Variants in NDUFV3 observed in about 807,000 individuals in gnomAD.
NDUFV3 encodes the protein NADH:ubiquinone oxidoreductase subunit V3, also known as NADH dehydrogenase [ubiquinone] flavoprotein 3, mitochondrial.
A neutral mutation model predicts 37.5 loss-of-function variants in NDUFV3; 44 were observed. The ratio of observed to expected loss-of-function variants is 1.17; its 90% CI spans 0.92 to 1.51. NDUFV3 has a LOEUF of 1.51. Among genes scored for constraint, NDUFV3 ranks in the 40% most tolerant of loss-of-function variants. The pLI, the probability that NDUFV3 is intolerant of heterozygous loss-of-function variation, is 0.00. For synonymous variants in NDUFV3, 235 were observed against 239.3 expected, an observed-to-expected ratio of 0.98 and a Z score of 0.17; for missense variants, 580 against 580.4, an observed-to-expected ratio of 1.00 and a Z score of 0.01.
At chr21:42,896,637 A>G (rs1601213663) in intron 1 of NDUFV3, among the ~76,000 whole-genome samples, 1 of 152,074 alleles carries the variant, frequency 6.6e-6, no homozygotes, top group East Asian at 1.9e-4. Flanking sequence ...AGTTTGAGGA[A>G]GCCAGGAGTT....
intron 3 of NDUFV3, chr21:42,906,916 T>G (rs773461967): frequency 1.9e-6 from 1 of 514,886 alleles, no homozygotes; most frequent in African/African-American, 1.9e-5. Flanking sequence ...AGACATCGTT[T>G]TTGCTTAACG....
Position 42,903,864 on chromosome 21 carries a change from A to AT in NDUFV3, c.855dup (p.Glu286Ter), listed in dbSNP as rs1437997576. 6 of 1,612,754 alleles carry AT rather than the reference A, an allele frequency of 3.7e-6. No homozygotes were observed. Among genetic ancestry groups the AT allele is most frequent in the Non-Finnish European group, 5.1e-6 (6 of 1,179,756 alleles). On this transcript the variant is annotated frameshift_variant, in exon 3 of 4. Coordinates refer to ENST00000354250, the MANE Select transcript of NDUFV3 (RefSeq NM_021075.4). LOFTEE classifies it high-confidence loss of function. ...AAATAGATAAAGAAAGCCAAAAGCC[A>AT]TTTGAAGTTAAAGGACCCTTACCTG... is the stretch of plus-strand genomic sequence containing the variant.
chr21:42,901,742 T>C (rs545033680), intron 2 of NDUFV3, among the ~76,000 whole-genome samples: 6 of 152,308 alleles, frequency 3.9e-5, no homozygotes, highest in East Asian at 1.9e-4. Context: ...TATCCCCATG[T>C]CATAGACAAG....
At position 42,909,351 on chromosome 21, in the gene NDUFV3, AG is replaced by A; in HGVS notation, c.*332del. 1 of 345,246 alleles carries A rather than the reference AG, an allele frequency of 2.9e-6. No individual in the cohort carries two copies. Among genetic ancestry groups the A allele is most frequent in the South Asian group, 2.3e-5 (1 of 43,584 alleles). The allele number at this position is 345,246 out of a possible 1,614,324, so 21.4% of individuals were successfully genotyped here. On this transcript the variant is annotated 3_prime_UTR_variant, in exon 4 of 4. Coordinates refer to ENST00000354250, the MANE Select transcript of NDUFV3 (RefSeq NM_021075.4). ...GAGACAGGGTTTCACCATGTTGGCC[AG>A]GCTGGTCTCGAACTCCTGACCTCAG...
In NDUFV3 at chr21:42,904,286, G is replaced by T; in HGVS notation, c.1264+10G>T. 1.3e-6 allele frequency: 2 copies of T among 1,580,222 alleles called. No homozygotes were observed. The highest frequency in any genetic ancestry group is 2.3e-5 in the South Asian group (2 of 87,074). ...CGAGGCGGCACACAGGGTATACCTT[G>T]ACTCGCGCTCCCAAGTGCACCCTGT... On this transcript the variant is annotated intron_variant, in intron 3 of 3. Transcript: ENST00000354250.
intron 2 of NDUFV3, among the ~76,000 whole-genome samples, chr21:42,899,703 A>G (rs1356909179): frequency 6.6e-6 from 1 of 152,130 alleles, no homozygotes; most frequent in Non-Finnish European, 1.5e-5. Context: ...TTGGCCTCCC[A>G]AAGTGCTGGG....
chr21:42,909,073 T>C lies in NDUFV3; in HGVS notation c.*52T>C. ...CCACCGTCTTCACTGCATCCTGGAG[T>C]GCAAAAATAAAATCCACTCAAGAGT... On this transcript the variant is annotated 3_prime_UTR_variant, in exon 4 of 4. Transcript: ENST00000354250. The C allele has an allele frequency of 1.9e-6, 3 of 1,586,916 alleles. No individual in the cohort carries two copies. Among genetic ancestry groups the C allele is most frequent in the Non-Finnish European group, 2.6e-6 (3 of 1,162,364 alleles).
At position 42,894,058 on chromosome 21, in the gene NDUFV3, A is replaced by G. The variant is rs374179716; in HGVS notation, c.48+677A>G. Among the ~76,000 whole-genome samples, 22 of 151,528 alleles carry G rather than the reference A, an allele frequency of 1.5e-4. 1 individual carries two copies. In the South Asian group the frequency reaches 2.1e-3, roughly 14 times the overall value. On this transcript the variant is annotated intron_variant, in intron 1 of 3. Coordinates refer to ENST00000354250, the MANE Select transcript of NDUFV3 (RefSeq NM_021075.4). ...TGTCGAAACCCCGTCTCTAAAAAAT[A>G]CAAAAAATTAGTCTGGCGTGGTGGT...
intron 2 of NDUFV3, among the ~76,000 whole-genome samples, chr21:42,900,225 G>T (rs761273581): frequency 9.9e-5 from 15 of 152,090 alleles, no homozygotes; most frequent in Non-Finnish European, 1.9e-4. Context: ...ACTGAGTCTG[G>T]GTATGGTGGC....
In NDUFV3 at chr21:42,903,480, T is replaced by A. The variant is rs4148973; in HGVS notation, c.468T>A (p.Ser156=). Residue 156 remains serine (S), a synonymous_variant, in exon 3 of 4, where the codon TCT becomes TCA. Transcript: ENST00000354250. ...TGACGTCGCCTTCGTCTTCATCCTC[T>A]TCCAGCTCCTCTGATTCTGAATCTG... ...RKVTSPSSSS[S]SSSSDSESDD... The A allele has an allele frequency of 5.0e-6, 8 of 1,613,850 alleles. No individual in the cohort carries two copies. Among genetic ancestry groups the A allele is most frequent in the African/African-American group, 4.0e-5 (3 of 74,834 alleles).
intron 2 of NDUFV3, among the ~76,000 whole-genome samples, 183 bp from the exon 3 acceptor site, chr21:42,902,999 G>C (rs1210762620): frequency 6.6e-6 from 1 of 152,226 alleles, no homozygotes; most frequent in Non-Finnish European, 1.5e-5. Context: ...TACTAAAGCA[G>C]ATGATTTTCT....
chr21:42,905,143 G>A lies in NDUFV3; in HGVS notation c.1264+867G>A, dbSNP rs149254068. Among the ~76,000 whole-genome samples, 804 of 152,198 alleles carry A rather than the reference G, an allele frequency of 5.3e-3. 8 individuals are homozygous for A. Among genetic ancestry groups the A allele is most frequent in the African/African-American group, 0.019 (773 of 41,526 alleles). On this transcript the variant is annotated intron_variant, in intron 3 of 3. Transcript: ENST00000354250. ...TGGCACTCTTCACTATTTCTTAACC[G>A]GTATAATTTTTGAAAACTGGCAGCT...
At chr21:42,900,918 G>T (rs571404709) in intron 2 of NDUFV3, among the ~76,000 whole-genome samples, 1 of 152,148 alleles carries the variant, frequency 6.6e-6, no homozygotes, top group African/African-American at 2.4e-5. Flanking sequence ...TTGGGGAACC[G>T]CTGGGCTCTC....
chr21:42,897,612 A>G (rs989448791), intron 2 of NDUFV3, among the ~76,000 whole-genome samples: 1 of 152,184 alleles, frequency 6.6e-6, no homozygotes, highest in Non-Finnish European at 1.5e-5. Context: ...TGACCTTGTT[A>G]TCCACCCGCC....
At chr21:42,906,732 G>A (rs2058743675) in intron 3 of NDUFV3, 1 of 403,450 alleles carries the variant, frequency 2.5e-6, no homozygotes, top group Non-Finnish European at 4.9e-6. Context: ...CCGTGCCCCA[G>A]TACTGGCCTT....
At chr21:42,901,121 T>C (rs2058716241) in intron 2 of NDUFV3, among the ~76,000 whole-genome samples, 1 of 152,136 alleles carries the variant, frequency 6.6e-6, no homozygotes, top group African/African-American at 2.4e-5. Context: ...ACGTAATTTC[T>C]ATTTACACAC....
Position 42,903,198 on chromosome 21 carries a change from G to A in NDUFV3, c.186G>A (p.Lys62=). 6 of 1,614,184 alleles carry A rather than the reference G, an allele frequency of 3.7e-6. No homozygotes were observed. Among genetic ancestry groups the A allele is most frequent in the East Asian group, 2.2e-5 (1 of 44,886 alleles). Residue 62 remains lysine, a synonymous_variant, in exon 3 of 4, where the codon AAG becomes AAA. Coordinates refer to ENST00000354250, the MANE Select transcript of NDUFV3 (RefSeq NM_021075.4). ...GTTTCCCAGATGTAGTGGAACCAAA[G>A]GAGAGGGGCAAGCTCCTAGCCACCC... is the stretch of plus-strand genomic sequence containing the variant. ...QSPPKNVVEP[K]ERGKLLATQT... is the part of the protein sequence containing the mutation.
chr21:42,904,491 C>CTTTTTTTTTTTTTTTTTTTTTTTTTTTT (rs11321406), intron 3 of NDUFV3, among the ~76,000 whole-genome samples: 1 of 125,866 alleles, frequency 7.9e-6, no homozygotes, highest in Non-Finnish European at 1.6e-5. Context: ...ATTTAACGTT[C>CTTTTTTTTTTTTTTTTTTTTTTTTTTTT]TTTTTTTTTT....
intron 1 of NDUFV3, among the ~76,000 whole-genome samples, chr21:42,894,006 A>C (rs1162764255): frequency 6.6e-6 from 1 of 152,046 alleles, no homozygotes; most frequent in African/African-American, 2.4e-5. Flanking sequence ...GCTTGAGTTC[A>C]GGAGTTCGAG....
Sources: gnomAD v4.1 joint callset for allele counts (sites outside exome capture counted in the v4.1 genomes callset) on GRCh38, gnomAD v4.1.1 for gene constraint, MANE v1.5 for transcripts, NCBI Gene and HGNC (gene_info 2026-07-23, HGNC 2026-07-21) for gene names.